Variants in TNRC6B observed in about 807,000 individuals in gnomAD.
TNRC6B encodes trinucleotide repeat-containing gene 6B protein.
A neutral mutation model predicts 203.6 loss-of-function variants in TNRC6B; 52 were observed. That is an observed-to-expected ratio of 0.26 (90% CI 0.20 to 0.32). The LOEUF (loss-of-function observed/expected upper bound fraction) is 0.32. Ranked by LOEUF, TNRC6B falls within the 10% of genes least tolerant of loss-of-function variation. The pLI, the probability that TNRC6B is intolerant of heterozygous loss-of-function variation, is 1.00. For missense variants in TNRC6B, 1,923 were observed against 2,286.2 expected (o/e 0.84, Z 3.24); for synonymous variants, 838 against 845.7 (o/e 0.99, Z 0.16).
At chr22:40,284,186 T>C (rs73420542) in intron 11 of TNRC6B, among the ~76,000 whole-genome samples, 171 of 152,332 alleles carry the variant, frequency 1.1e-3, no homozygotes, top group African/African-American at 3.9e-3. Flanking sequence ...AGACATAAAA[T>C]TCGTGATGAA....
intron 18 of TNRC6B, 111 bp downstream of exon 18, chr22:40,312,762 A>T (rs2071203226): frequency 6.7e-7 from 1 of 1,491,800 alleles, no homozygotes; most frequent in Non-Finnish European, 9.1e-7. Context: ...AAAAAATGTA[A>T]AAAGATTGCT....
Position 40,096,712 on chromosome 22 carries a change from A to G in TNRC6B, c.-120-20343A>G, listed in dbSNP as rs1247204296. 2.6e-5 allele frequency among the ~76,000 whole-genome samples: 4 copies of G among 152,244 alleles called. No homozygotes were observed. The East Asian group carries it at 7.7e-4, about 29-fold the overall frequency. On this transcript the variant is annotated intron_variant, in intron 1 of 23. Coordinates refer to the TNRC6B transcript ENST00000301923. ...GCCAGATATATGCCAACGAATGTCT[A>G]TAAAAAAAAGTTAATATTTATTAGC...
chr22:40,284,096 G>A (rs961579977), intron 11 of TNRC6B, among the ~76,000 whole-genome samples: 1 of 152,238 alleles, frequency 6.6e-6, no homozygotes, highest in African/African-American at 2.4e-5. Flanking sequence ...AGTTAGGGCT[G>A]TGTGTTGGTA....
chr22:40,198,558 C>A (rs540087567), intron 1 of TNRC6B, among the ~76,000 whole-genome samples: 1 of 151,588 alleles, frequency 6.6e-6, no homozygotes, highest in East Asian at 1.9e-4. Flanking sequence ...TCTGGGATGC[C>A]CTTCCTGTAT....
Position 40,264,695 on chromosome 22 carries a change from C to T in TNRC6B, c.465C>T (p.Thr155=), listed in dbSNP as rs757599735. ...QSESGTAPDS[T]LGGAAASNYA... is the part of the protein sequence containing the mutation. ...AGATGATCTGTTCCCCAGACTCAAC[C>T]CTTGGAGGTGCTGCTGCTTCAAATT... Residue 155 remains threonine, a synonymous_variant, in exon 5 of 23, where the codon ACC becomes ACT. Transcript: ENST00000454349. 6.3e-7 allele frequency: 1 copy of T among 1,589,544 alleles called. No individual in the cohort carries two copies. The highest frequency in any genetic ancestry group is 1.1e-5 in the South Asian group (1 of 87,090).
chr22:40,186,161 C>T (rs752686954), intron 1 of TNRC6B, among the ~76,000 whole-genome samples: 16 of 151,840 alleles, frequency 1.1e-4, no homozygotes, highest in African/African-American at 3.4e-4. Flanking sequence ...ACCTTGGGGA[C>T]GGGAAGAGAA....
intron 1 of TNRC6B, among the ~76,000 whole-genome samples, chr22:40,056,098 G>A (rs2067792752): frequency 6.6e-6 from 1 of 151,946 alleles, no homozygotes; most frequent in Non-Finnish European, 1.5e-5. Context: ...TTCTCTCCCT[G>A]TTACTCTTAA....
intron 4 of TNRC6B, among the ~76,000 whole-genome samples, chr22:40,161,114 A>G (rs1319198694): frequency 6.6e-6 from 1 of 152,118 alleles, no homozygotes; most frequent in Non-Finnish European, 1.5e-5. Context: ...ATGCCAACAA[A>G]CTTTTTAAAT....
At chr22:40,254,677 G>C (rs1271433142) in intron 3 of TNRC6B, among the ~76,000 whole-genome samples, 1 of 152,178 alleles carries the variant, frequency 6.6e-6, no homozygotes, top group African/African-American at 2.4e-5. Context: ...CACAAGGTCA[G>C]GAGATCGAGA....
At chr22:40,143,696 C>T (rs910549897) in intron 3 of TNRC6B, among the ~76,000 whole-genome samples, 1 of 152,118 alleles carries the variant, frequency 6.6e-6, no homozygotes, top group African/African-American at 2.4e-5. Context: ...CAGGGTTTCA[C>T]CGTGTTAGCC....
chr22:40,137,935 A>T (rs2146335450), intron 3 of TNRC6B, among the ~76,000 whole-genome samples: 1 of 150,836 alleles, frequency 6.6e-6, no homozygotes, highest in East Asian at 2.0e-4. Context: ...GTGAGCCGAG[A>T]TCACACCACC....
At chr22:40,316,069 G>A in intron 21 of TNRC6B, 57 bp downstream of exon 21, 1 of 1,535,920 alleles carries the variant, frequency 6.5e-7, no homozygotes, top group Non-Finnish European at 9.0e-7. Flanking sequence ...AAGAGAGAGG[G>A]AAAGGTTGGG....
At position 40,119,454 on chromosome 22, in the gene TNRC6B, C is replaced by T. The variant is rs557421449; in HGVS notation, c.-47+2326C>T. Among the ~76,000 whole-genome samples, 144 of 152,202 alleles carry T rather than the reference C, an allele frequency of 9.5e-4. 1 individual carries two copies. Among genetic ancestry groups the T allele is most frequent in the East Asian group, 5.8e-4 (3 of 5,172 alleles). The stretch of plus-strand genomic sequence containing the variant: ...CAAAAATTAGCCAGGCGTGGTGGCA[C>T]GTGCCTGTAGTCCCAGCTACTTGGG... On this transcript the variant is annotated intron_variant, in intron 2 of 23. Coordinates refer to the TNRC6B transcript ENST00000301923.
chr22:40,055,810 G>C (rs987388114), intron 1 of TNRC6B, among the ~76,000 whole-genome samples: 1 of 152,132 alleles, frequency 6.6e-6, no homozygotes, highest in African/African-American at 2.4e-5. Context: ...ATCTCAAATG[G>C]ATCAGACACT....
rs58537972 is a variant in TNRC6B at position 40,088,584 on chromosome 22, TTGTGTGTGTGTGTGTG to T, written c.-120-28439_-120-28424del. Among the ~76,000 whole-genome samples the T allele has an allele frequency of 1.4e-4, 17 of 125,230 alleles. No individual in the cohort carries two copies. In the South Asian group the frequency reaches 2.0e-3, roughly 15 times the overall value. The allele number at this position is 125,230 out of a possible 152,430, so 82.2% of individuals were successfully genotyped here. ...CTGCCACCATGCCCGGCGGCTACTTTTGTGTGTGTGTGTGTGTGTGTGTGTGTGTGTGTGTGTGTGT... is the reference window on the plus strand; with the variant it reads ...CTGCCACCATGCCCGGCGGCTACTTTTGTGTGTGTGTGTGTGTGTGTGTGT... On this transcript the variant is annotated intron_variant, in intron 1 of 23. Transcript: ENST00000301923.
At chr22:40,251,367 T>C (rs190572633) in intron 3 of TNRC6B, among the ~76,000 whole-genome samples, 167 bp downstream of exon 3, 58 of 152,280 alleles carry the variant, frequency 3.8e-4, no homozygotes, top group Non-Finnish European at 8.1e-4. Flanking sequence ...AAAATACTTG[T>C]ATTGGTGTTT....
Position 40,326,904 on chromosome 22 carries a change from T to C in TNRC6B, c.*3663T>C, listed in dbSNP as rs969364147. The C allele has an allele frequency of 1.3e-5, 2 of 152,608 alleles. No homozygotes were observed. Among genetic ancestry groups the C allele is most frequent in the Non-Finnish European group, 2.9e-5 (2 of 68,030 alleles). The allele number at this position is 152,608 out of a possible 1,614,324, so 9.5% of individuals were successfully genotyped here. ...CTAATAAGGAACAAGTGATTTTACT[T>C]TTTTAGCTCCCAGCTACTGTTGTGC... On this transcript the variant is annotated 3_prime_UTR_variant, in exon 23 of 23. Coordinates refer to ENST00000454349, the MANE Select transcript of TNRC6B (RefSeq NM_001162501.2).
At position 40,069,407 on chromosome 22, in the gene TNRC6B, A is replaced by G. The variant is rs369346116; in HGVS notation, c.-121+24409A>G. On this transcript the variant is annotated intron_variant, in intron 1 of 23. Transcript: ENST00000301923. ...AGGTGTGAACTACTGCACCTGGCCT[A>G]AAAGTTGTTTTAAGGAATATTTTGT... Among the ~76,000 whole-genome samples the G allele has an allele frequency of 2.0e-4, 30 of 151,988 alleles. No homozygotes were observed. In the East Asian group the frequency reaches 5.0e-3, roughly 25 times the overall value.
intron 1 of TNRC6B, among the ~76,000 whole-genome samples, chr22:40,181,144 T>G (rs574140603): frequency 6.6e-6 from 1 of 152,362 alleles, no homozygotes; most frequent in East Asian, 1.9e-4. Flanking sequence ...TGGCCATTTG[T>G]TATTCTGTGT....
Sources: allele counts gnomAD v4.1 joint callset (sites outside exome capture counted in the v4.1 genomes callset), GRCh38; gene constraint gnomAD v4.1.1; transcripts MANE v1.5; gene names NCBI Gene and HGNC (gene_info 2026-07-23, HGNC 2026-07-21).